ASAP1: variants seen among roughly 807,000 people sequenced by gnomAD.
The protein encoded by ASAP1 is ArfGAP with SH3 domain, ankyrin repeat and PH domain 1.
In ASAP1, 43 loss-of-function variants were observed where a neutral mutation model predicts 145.2. That is an observed-to-expected ratio of 0.30 (90% CI 0.23 to 0.38). The LOEUF is 0.38. Among genes scored for constraint, ASAP1 ranks in the 10% least tolerant of loss-of-function variants. The pLI is 1.00. For synonymous variants in ASAP1, 546 were observed against 515.5 expected (o/e 1.06, Z -0.80); for missense variants, 1,018 against 1,355.3 (o/e 0.75, Z 3.91).
intron 3 of ASAP1, among the ~76,000 whole-genome samples, chr8:130,304,427 A>G (rs1222319080): frequency 6.6e-6 from 1 of 152,150 alleles, no homozygotes; most frequent in Non-Finnish European, 1.5e-5. Context: ...TTCTATTGTA[A>G]TACTAATATA....
intron 3 of ASAP1, among the ~76,000 whole-genome samples, chr8:130,271,489 G>A (rs1820584639): frequency 6.6e-6 from 1 of 152,228 alleles, no homozygotes. Context: ...AGAGTAGGAA[G>A]TCAAAATCAT....
intron 1 of ASAP1, among the ~76,000 whole-genome samples, chr8:130,438,401 G>C (rs1428961120): frequency 6.6e-6 from 1 of 152,138 alleles, no homozygotes; most frequent in African/African-American, 2.4e-5. Context: ...TGGGGCCAAT[G>C]GCCTGCTCTG....
chr8:130,317,290 T>C (rs920776854), intron 3 of ASAP1, among the ~76,000 whole-genome samples: 1 of 152,210 alleles, frequency 6.6e-6, no homozygotes, highest in Non-Finnish European at 1.5e-5. Flanking sequence ...AGTAACACCA[T>C]ACAGCCAAAA....
intron 9 of ASAP1, among the ~76,000 whole-genome samples, chr8:130,177,095 C>T (rs1814014926): frequency 1.3e-5 from 2 of 152,260 alleles, no homozygotes; most frequent in African/African-American, 2.4e-5. Flanking sequence ...AACTCCTGAG[C>T]GGAAAAGCCT....
Position 130,250,497 on chromosome 8 carries a change from G to T in ASAP1, c.187-13503C>A, listed in dbSNP as rs1819126108. 3.3e-5 allele frequency among the ~76,000 whole-genome samples: 5 copies of T among 152,178 alleles called. No individual in the cohort carries two copies. The South Asian group carries it at 8.3e-4, about 25-fold the overall frequency. On this transcript the variant is annotated intron_variant, in intron 3 of 29. Transcript: ENST00000518721. ...ATGTTCCTAGTTTCTGAGAACAGAA[G>T]TTTGAAGGGAATACAAGTGGTAAGC...
At chr8:130,215,999 GGAAAGGAAA>G (rs1816893810) in intron 4 of ASAP1, among the ~76,000 whole-genome samples, 1 of 110,868 alleles carries the variant, frequency 9.0e-6, no homozygotes, top group African/African-American at 3.9e-5. Flanking sequence ...GGAAAGGAAA[GGAAAGGAAA>G]GGAAAGGAAA....
At chr8:130,183,463 C>A (rs1814507723) in intron 7 of ASAP1, among the ~76,000 whole-genome samples, 1 of 152,028 alleles carries the variant, frequency 6.6e-6, no homozygotes, top group Non-Finnish European at 1.5e-5. Context: ...GCCTCAGCCT[C>A]CTGAGTAGCT....
At chr8:130,233,999 G>C (rs900705213) in intron 4 of ASAP1, among the ~76,000 whole-genome samples, 1 of 152,154 alleles carries the variant, frequency 6.6e-6, no homozygotes, top group Non-Finnish European at 1.5e-5. Flanking sequence ...CAATAGCTAG[G>C]CTCTACTCTG....
In ASAP1 at chr8:130,075,791, T is replaced by TTTA. The variant is rs2097461028; in HGVS notation, c.2701+554_2701+556dup. 3.3e-5 allele frequency among the ~76,000 whole-genome samples: 5 copies of TTTA among 152,312 alleles called. No individual in the cohort carries two copies. In the South Asian group the frequency reaches 1.0e-3, roughly 32 times the overall value. ...GTCTTAGCTTGGCAAAAAAACAGTA[T>TTTA]TTATAGACACTGCTTTCTTGTACTT... On this transcript the variant is annotated intron_variant, in intron 27 of 29. Coordinates refer to ENST00000518721, the MANE Select transcript of ASAP1 (RefSeq NM_018482.4).
Position 130,233,352 on chromosome 8 carries a change from T to C in ASAP1, c.259+3570A>G, listed in dbSNP as rs578064085. On this transcript the variant is annotated intron_variant, in intron 4 of 29. Coordinates refer to ENST00000518721, the MANE Select transcript of ASAP1 (RefSeq NM_018482.4). ...CATGTAGCGATTCACTCAACCCTTG[T>C]TGAGCCCCTACCATGTGTTAGGTAG... Among the ~76,000 whole-genome samples the C allele has an allele frequency of 5.9e-5, 9 of 152,290 alleles. No homozygotes were observed. In the South Asian group the frequency reaches 1.9e-3, roughly 32 times the overall value.
chr8:130,380,003 CCT>C (rs1455903653), intron 2 of ASAP1, among the ~76,000 whole-genome samples: 1 of 152,194 alleles, frequency 6.6e-6, no homozygotes, highest in Non-Finnish European at 1.5e-5. Flanking sequence ...ACTCCCCACC[CCT>C]GACAGTGGGC....
At chr8:130,435,163 C>T (rs567350307) in intron 1 of ASAP1, among the ~76,000 whole-genome samples, 12 of 152,126 alleles carry the variant, frequency 7.9e-5, no homozygotes, top group Non-Finnish European at 1.3e-4. Flanking sequence ...ATCCCCTTTA[C>T]GCAGGTGGGG....
intron 2 of ASAP1, among the ~76,000 whole-genome samples, chr8:130,366,824 A>T (rs1826970337): frequency 6.6e-6 from 1 of 151,546 alleles, no homozygotes. Context: ...ATAGTAAGTG[A>T]TCAATAAACA....
intron 5 of ASAP1, among the ~76,000 whole-genome samples, chr8:130,209,731 A>G (rs1816459001): frequency 6.6e-6 from 1 of 152,172 alleles, no homozygotes; most frequent in Non-Finnish European, 1.5e-5. Context: ...TTTGAGGAAA[A>G]GTACTTATGT....
In ASAP1 at chr8:130,053,574, C is replaced by T. The variant is rs1011215711; in HGVS notation, c.*1157G>A. On this transcript the variant is annotated 3_prime_UTR_variant, in exon 30 of 30. Transcript: ENST00000518721. ...TCTATAATTGGGGTTTAACAAAGAG[C>T]ATGGGAAAAGAAACACTTGGTTTCA... 1.3e-5 allele frequency: 2 copies of T among 152,162 alleles called. No homozygotes were observed. The highest frequency in any genetic ancestry group is 2.9e-5 in the Non-Finnish European group (2 of 68,016). 9.4% of individuals were successfully genotyped at this position (152,162 alleles called of 1,614,324 possible).
At chr8:130,339,038 AC>A (rs1268803120) in intron 3 of ASAP1, among the ~76,000 whole-genome samples, 1 of 152,240 alleles carries the variant, frequency 6.6e-6, no homozygotes, top group Non-Finnish European at 1.5e-5. Context: ...GGAAGACAGC[AC>A]CTGAGGAGAG....
chr8:130,403,616 G>C (rs7822957), intron 1 of ASAP1, among the ~76,000 whole-genome samples: 1 of 147,970 alleles, frequency 6.8e-6, no homozygotes. Context: ...GCAGTGGCGC[G>C]ATCTTGGCTC....
intron 4 of ASAP1, among the ~76,000 whole-genome samples, chr8:130,220,305 G>C (rs1565103560): frequency 6.6e-6 from 1 of 152,076 alleles, no homozygotes; most frequent in Non-Finnish European, 1.5e-5. Context: ...CGTTACAATA[G>C]CTAGTTTGTT....
intron 3 of ASAP1, among the ~76,000 whole-genome samples, chr8:130,267,881 G>A (rs1198264924): frequency 6.6e-6 from 1 of 152,174 alleles, no homozygotes; most frequent in Non-Finnish European, 1.5e-5. Context: ...GAACTGGTAG[G>A]AGCAGCTGAA....
Sources: allele counts gnomAD v4.1 joint callset (sites outside exome capture counted in the v4.1 genomes callset), GRCh38; gene constraint gnomAD v4.1.1; transcripts MANE v1.5; gene names NCBI Gene and HGNC (gene_info 2026-07-23, HGNC 2026-07-21).